The following RARS2 variants were observed in gnomAD, a reference collection of about 807,000 sequenced individuals.
RARS2 encodes the protein arginyl-tRNA synthetase 2, mitochondrial.
In RARS2, 67 loss-of-function variants were observed where a neutral mutation model predicts 88.5. The ratio of observed to expected loss-of-function variants is 0.76; its 90% CI spans 0.62 to 0.93. RARS2 has a LOEUF of 0.93. Ranked by LOEUF, RARS2 falls within the 40% of genes least tolerant of loss-of-function variation. RARS2 has a pLI of 0.00. For missense variants in RARS2, 664 were observed against 684.2 expected (o/e 0.97, Z 0.33); for synonymous variants, 239 against 230.3 (o/e 1.04, Z -0.34).
intron 11 of RARS2, among the ~76,000 whole-genome samples, chr6:87,522,482 T>C (rs1774242276): frequency 1.3e-5 from 2 of 152,068 alleles, no homozygotes; most frequent in South Asian, 4.1e-4. Flanking sequence ...TCAAGGATTA[T>C]GAAATATTAA....
At chr6:87,541,165 T>C (rs1780823562) in intron 8 of RARS2, among the ~76,000 whole-genome samples, 1 of 152,170 alleles carries the variant, frequency 6.6e-6, no homozygotes, top group African/African-American at 2.4e-5. Flanking sequence ...AATAACCTAG[T>C]AAAATAAGTG....
In RARS2 at chr6:87,542,604, C is replaced by T. The variant is rs193275139; in HGVS notation, c.536-610G>A. Among the ~76,000 whole-genome samples, 545 of 147,760 alleles carry T rather than the reference C, an allele frequency of 3.7e-3. 2 individuals are homozygous for T. The highest frequency in any genetic ancestry group is 6.7e-3 in the South Asian group (31 of 4,652). On this transcript the variant is annotated intron_variant, in intron 7 of 19. Coordinates refer to ENST00000369536, the MANE Select transcript of RARS2 (RefSeq NM_020320.5). ...ATTTGACTGTGTATAATTTTTTAGTCTTTGATGATAAATTCAGAGTTCAGG... is the reference window on the plus strand; with the variant it reads ...ATTTGACTGTGTATAATTTTTTAGTTTTTGATGATAAATTCAGAGTTCAGG...
Position 87,530,860 on chromosome 6 carries a change from A to G in RARS2, c.695T>C (p.Leu232Pro), listed in dbSNP as rs1777289544. 1 of 1,614,112 alleles carries G rather than the reference A, an allele frequency of 6.2e-7. No homozygotes were observed. Among genetic ancestry groups the G allele is most frequent in the Non-Finnish European group, 8.5e-7 (1 of 1,180,040 alleles). ...AAQEFFQRLELGDVQALSLWQ... is the reference protein window; with the variant it reads ...AAQEFFQRLEPGDVQALSLWQ... The stretch of plus-strand genomic sequence containing the variant: ...CAGTGAAAGTGCTTGCACATCGCCC[A>G]GTTCCAATCGTTGGAAGAACTCCTG... The change falls in exon 9 of 20, where the codon CTG becomes CCG. Residue 232 changes from leucine to proline, a missense_variant. Leu to Pro is a moderately conservative substitution (Grantham distance 98, BLOSUM62 -3). Transcript: ENST00000369536.
chr6:87,562,845 A>T, intron 3 of RARS2, 60 bp from the exon 4 acceptor site: 1 of 1,290,800 alleles, frequency 7.7e-7, no homozygotes, highest in Non-Finnish European at 1.1e-6. Flanking sequence ...TGAGATAGGT[A>T]GTTCTAATGC....
At chr6:87,518,936 G>A in intron 14 of RARS2, 45 bp from the exon 15 acceptor site, 3 of 1,574,244 alleles carry the variant, frequency 1.9e-6, no homozygotes, top group Non-Finnish European at 2.6e-6. Flanking sequence ...ATGACACTGT[G>A]CCAATCATGG....
intron 2 of RARS2, among the ~76,000 whole-genome samples, chr6:87,565,699 T>A (rs1055005777): frequency 9.9e-5 from 15 of 152,160 alleles, no homozygotes; most frequent in Non-Finnish European, 1.6e-4. Flanking sequence ...CAAAAAAAAT[T>A]TTTTTAATCA....
At chr6:87,519,732 C>T (rs1773229659) in intron 13 of RARS2, 25 bp from the exon 14 acceptor site, 1 of 1,613,696 alleles carries the variant, frequency 6.2e-7, no homozygotes, top group East Asian at 2.2e-5. Flanking sequence ...ATCTAGTTAA[C>T]TGAAAGCTAA....
At chr6:87,514,592 T>C (rs1770914007) in intron 19 of RARS2, 93 bp from the exon 20 acceptor site, 6 of 1,130,852 alleles carry the variant, frequency 5.3e-6, no homozygotes, top group Non-Finnish European at 6.6e-6. Flanking sequence ...CTTTCTAGTT[T>C]AAAGCAGGAA....
chr6:87,572,561 CTTTTT>C (rs922424680), intron 1 of RARS2, among the ~76,000 whole-genome samples: 2 of 151,310 alleles, frequency 1.3e-5, no homozygotes, highest in Admixed American at 1.3e-4. Context: ...TCTTCTTCTT[CTTTTT>C]TTTTCTTTTC....
At chr6:87,531,811 T>C (rs2128067941) in intron 8 of RARS2, among the ~76,000 whole-genome samples, 1 of 152,340 alleles carries the variant, frequency 6.6e-6, no homozygotes, top group East Asian at 1.9e-4. Flanking sequence ...ATTAATATTA[T>C]AGTTCAAGTA....
intron 3 of RARS2, among the ~76,000 whole-genome samples, chr6:87,563,554 T>C (rs1293622184): frequency 6.6e-6 from 1 of 152,226 alleles, no homozygotes; most frequent in African/African-American, 2.4e-5. Context: ...TGGATGTATG[T>C]TAATAACCTT....
chr6:87,587,164 C>T (rs1423273415), intron 1 of RARS2, among the ~76,000 whole-genome samples: 2 of 152,156 alleles, frequency 1.3e-5, no homozygotes, highest in African/African-American at 2.4e-5. Flanking sequence ...GGGTTATAGG[C>T]ATGAGCCACC....
At chr6:87,570,030 G>A (rs1769160366) in intron 1 of RARS2, among the ~76,000 whole-genome samples, 2 of 151,804 alleles carry the variant, frequency 1.3e-5, no homozygotes. Flanking sequence ...GGATACAGCA[G>A]TGAACAAAAC....
intron 5 of RARS2, among the ~76,000 whole-genome samples, chr6:87,551,626 C>CAATAA (rs1416067720): frequency 1.5e-5 from 1 of 65,166 alleles, no homozygotes; most frequent in Non-Finnish European, 2.6e-5. Context: ...TCCGTCTCAA[C>CAATAA]AAAAAAAAAA....
intron 10 of RARS2, among the ~76,000 whole-genome samples, chr6:87,526,441 T>C (rs1775740167): frequency 6.6e-6 from 1 of 151,444 alleles, no homozygotes; most frequent in Non-Finnish European, 1.5e-5. Context: ...AGGTTGAACC[T>C]GGAGGTGGAG....
chr6:87,530,341 T>C (rs999066621), intron 9 of RARS2, among the ~76,000 whole-genome samples: 1 of 152,170 alleles, frequency 6.6e-6, no homozygotes, highest in Non-Finnish European at 1.5e-5. Flanking sequence ...AATAAAAACA[T>C]AGTTGTTTCT....
At chr6:87,579,317 C>A (rs1772642560) in intron 1 of RARS2, among the ~76,000 whole-genome samples, 1 of 152,132 alleles carries the variant, frequency 6.6e-6, no homozygotes, top group South Asian at 2.1e-4. Context: ...GGGCTCTGGG[C>A]AGAAGGATGT....
At chr6:87,549,024 G>T (rs559588253) in intron 5 of RARS2, among the ~76,000 whole-genome samples, 10 of 152,122 alleles carry the variant, frequency 6.6e-5, no homozygotes, top group African/African-American at 2.4e-4. Flanking sequence ...GACTAGCCTG[G>T]GCAACATATC....
intron 4 of RARS2, among the ~76,000 whole-genome samples, chr6:87,561,404 A>T (rs1262430692): frequency 6.6e-6 from 1 of 152,130 alleles, no homozygotes; most frequent in East Asian, 1.9e-4. Context: ...CTGGTTAACA[A>T]CTCAAACTCC....
Sources: allele counts gnomAD v4.1 joint callset (sites outside exome capture counted in the v4.1 genomes callset), GRCh38; gene constraint gnomAD v4.1.1; transcripts MANE v1.5; gene names NCBI Gene and HGNC (gene_info 2026-07-23, HGNC 2026-07-21).